ASCC1: variants seen among roughly 807,000 people sequenced by gnomAD.
ASCC1 encodes the protein activating signal cointegrator 1 complex subunit 1.
A neutral mutation model predicts 46.6 loss-of-function variants in ASCC1; 35 were observed. The ratio of observed to expected loss-of-function variants is 0.75; its 90% CI spans 0.57 to 0.99. The LOEUF is 0.99. Among genes scored for constraint, ASCC1 ranks in the 50% least tolerant of loss-of-function variants. The pLI is 0.00. For synonymous variants in ASCC1, 143 were observed against 146.6 expected (o/e 0.98, Z 0.18); for missense variants, 376 against 428.7 (o/e 0.88, Z 1.09).
chr10:72,200,819 C>T (rs1359345170), intron 4 of ASCC1, among the ~76,000 whole-genome samples: 1 of 152,044 alleles, frequency 6.6e-6, no homozygotes, highest in Non-Finnish European at 1.5e-5. Flanking sequence ...CTTCCAAATG[C>T]TGTTAAAAGT....
chr10:72,097,166 T>TC lies in ASCC1; in HGVS notation c.*167_*168insG, dbSNP rs771407950. The TC allele has an allele frequency of 5.6e-6, 4 of 714,006 alleles. No individual in the cohort carries two copies. The highest frequency in any genetic ancestry group is 5.5e-5 in the South Asian group (4 of 72,350). The allele number at this position is 714,006 out of a possible 1,614,324, so 44.2% of individuals were successfully genotyped here. ...TTATGCCCACCACCATCTCAGCTGGTAGTATGACGGGTGTAGACACCATTA... is the reference window on the plus strand; with the variant it reads ...TTATGCCCACCACCATCTCAGCTGGTCAGTATGACGGGTGTAGACACCATTA... On this transcript the variant is annotated 3_prime_UTR_variant, in exon 10 of 10. Coordinates refer to ENST00000672957, the MANE Select transcript of ASCC1 (RefSeq NM_001198800.3).
At chr10:72,208,042 G>A (rs970361811) in intron 3 of ASCC1, among the ~76,000 whole-genome samples, 2 of 151,748 alleles carry the variant, frequency 1.3e-5, no homozygotes, top group Non-Finnish European at 2.9e-5. Flanking sequence ...CCCAAGCTGG[G>A]TGGTCTCCAA....
At position 72,201,512 on chromosome 10, in the gene ASCC1, C is replaced by G. The variant is rs554409229; in HGVS notation, c.310+1915G>C. On this transcript the variant is annotated intron_variant, in intron 4 of 9. Coordinates refer to ENST00000672957, the MANE Select transcript of ASCC1 (RefSeq NM_001198800.3). The stretch of plus-strand genomic sequence containing the variant: ...CCAGCCTGGGCAACATAGCAAGACC[C>G]CATCTCTACAAAAAGTATTAAAAAT... Among the ~76,000 whole-genome samples, 29 of 151,716 alleles carry G rather than the reference C, an allele frequency of 1.9e-4. No homozygotes were observed. In the South Asian group the frequency reaches 4.6e-3, roughly 24 times the overall value.
chr10:72,138,409 C>G (rs1486883401), intron 7 of ASCC1, among the ~76,000 whole-genome samples: 1 of 152,000 alleles, frequency 6.6e-6, no homozygotes, highest in Non-Finnish European at 1.5e-5. Context: ...TTCTGGAAAA[C>G]TAGGATTTCT....
intron 5 of ASCC1, among the ~76,000 whole-genome samples, chr10:72,184,790 A>AG (rs1198215291): frequency 1.9e-4 from 22 of 116,840 alleles, no homozygotes; most frequent in African/African-American, 1.2e-3. Flanking sequence ...ACTCTATCTC[A>AG]AAAAAAAAAA....
chr10:72,121,127 A>G (rs1229646155), intron 9 of ASCC1, among the ~76,000 whole-genome samples: 3 of 152,130 alleles, frequency 2.0e-5, no homozygotes, highest in East Asian at 1.9e-4. Context: ...TATATTGTCT[A>G]TAAGAGACCG....
At chr10:72,128,539 A>G (rs1845168039) in intron 8 of ASCC1, among the ~76,000 whole-genome samples, 2 of 152,358 alleles carry the variant, frequency 1.3e-5, no homozygotes, top group Non-Finnish European at 2.9e-5. Context: ...TATGTTCTAT[A>G]GATCCAAGAA....
At chr10:72,210,904 A>C (rs1857991974) in intron 2 of ASCC1, 73 bp from the exon 3 acceptor site, 1 of 1,424,874 alleles carries the variant, frequency 7.0e-7, no homozygotes, top group Non-Finnish European at 9.8e-7. Context: ...CTCAGCTGTC[A>C]ACCGCTGTTG....
Position 72,213,342 on chromosome 10 carries a change from T to C in ASCC1, c.-33-11A>G, listed in dbSNP as rs1858460306. The stretch of plus-strand genomic sequence containing the variant: ...TATTCCAATTATGCCCTGAAAAATA[T>C]AATTACCATCTTACCTTTCTTAGTG... On this transcript the variant is annotated splice_polypyrimidine_tract_variant and intron_variant, in intron 1 of 9. Transcript: ENST00000672957. The C allele has an allele frequency of 7.3e-7, 1 of 1,375,258 alleles. No homozygotes were observed. The highest frequency in any genetic ancestry group is 1.0e-6 in the Non-Finnish European group (1 of 964,878). 85.2% of individuals were successfully genotyped at this position (1,375,258 alleles called of 1,614,324 possible).
At chr10:72,198,561 T>C (rs1242247571) in intron 4 of ASCC1, 3 of 455,276 alleles carry the variant, frequency 6.6e-6, no homozygotes, top group African/African-American at 6.0e-5. Flanking sequence ...TGGTTGGAGG[T>C]GGAGAAGCTT....
chr10:72,203,381 C>T lies in ASCC1; in HGVS notation c.310+46G>A. Reference sequence around the variant, plus strand: ...GCAGTTGGTTACATTATTCCATAAACATGCAAAAGTGACTTCAAATGTAAC... The same window carrying T: ...GCAGTTGGTTACATTATTCCATAAATATGCAAAAGTGACTTCAAATGTAAC... On this transcript the variant is annotated intron_variant, in intron 4 of 9. Coordinates refer to ENST00000672957, the MANE Select transcript of ASCC1 (RefSeq NM_001198800.3). 10 of 1,373,510 alleles carry T rather than the reference C, an allele frequency of 7.3e-6. No homozygotes were observed. In the South Asian group the frequency reaches 8.1e-5, roughly 11 times the overall value. The allele number at this position is 1,373,510 out of a possible 1,614,324, so 85.1% of individuals were successfully genotyped here.
chr10:72,101,426 C>A (rs564290850), intron 9 of ASCC1, among the ~76,000 whole-genome samples: 24 of 152,130 alleles, frequency 1.6e-4, no homozygotes, highest in Non-Finnish European at 2.9e-4. Flanking sequence ...GGAAAGCCAT[C>A]TGGAGGAGAC....
chr10:72,149,715 T>A (rs1221572902), intron 7 of ASCC1, among the ~76,000 whole-genome samples: 2 of 152,214 alleles, frequency 1.3e-5, no homozygotes, highest in Non-Finnish European at 2.9e-5. Flanking sequence ...TAGAATACTG[T>A]GAAGGCATTT....
chr10:72,189,886 T>C (rs1284411873), intron 5 of ASCC1: 7 of 616,208 alleles, frequency 1.1e-5, no homozygotes, highest in African/African-American at 1.8e-5. Flanking sequence ...GTCTTCACTA[T>C]AAGATTAAGA....
At chr10:72,188,216 T>G (rs938589673) in intron 5 of ASCC1, among the ~76,000 whole-genome samples, 3 of 150,416 alleles carry the variant, frequency 2.0e-5, no homozygotes, top group Non-Finnish European at 4.4e-5. Flanking sequence ...CCTTCTGGGT[T>G]CAAGCGATTC....
At chr10:72,170,468 C>T (rs1020625197) in intron 5 of ASCC1, among the ~76,000 whole-genome samples, 2 of 151,758 alleles carry the variant, frequency 1.3e-5, no homozygotes, top group African/African-American at 4.8e-5. Context: ...GACAAAGAGC[C>T]GGCGTGGCAC....
At chr10:72,194,171 C>A (rs10823906) in intron 5 of ASCC1, among the ~76,000 whole-genome samples, 20,945 of 151,700 alleles carry the variant, frequency 0.14, 4,118 homozygotes, top group African/African-American at 0.43. Flanking sequence ...GGCATGAGCC[C>A]CTGCACCTGG....
chr10:72,120,381 A>C (rs1195605253), intron 9 of ASCC1, among the ~76,000 whole-genome samples: 1 of 152,204 alleles, frequency 6.6e-6, no homozygotes, highest in African/African-American at 2.4e-5. Context: ...TGAAAAGCAG[A>C]GAACAAAGAC....
chr10:72,121,098 T>C (rs1356564854), intron 9 of ASCC1, among the ~76,000 whole-genome samples: 1 of 152,152 alleles, frequency 6.6e-6, no homozygotes, highest in African/African-American at 2.4e-5. Flanking sequence ...AAAATAATAA[T>C]AATAAAGCAG....
Sources: allele counts gnomAD v4.1 joint callset (sites outside exome capture counted in the v4.1 genomes callset), GRCh38; gene constraint gnomAD v4.1.1; transcripts MANE v1.5; gene names NCBI Gene and HGNC (gene_info 2026-07-23, HGNC 2026-07-21).